Variants in TCERG1 observed in about 807,000 individuals in gnomAD.
The protein encoded by TCERG1 is TATA box binding protein (TBP)-associated factor, RNA polymerase II, S, 150kD.
In TCERG1, 37 loss-of-function variants were observed where a neutral mutation model predicts 144.7. That is an observed-to-expected ratio of 0.26 (90% CI 0.20 to 0.34). The LOEUF (loss-of-function observed/expected upper bound fraction) is 0.34. Among genes scored for constraint, TCERG1 ranks in the 10% least tolerant of loss-of-function variants. The pLI is 1.00. For synonymous variants in TCERG1, 492 were observed against 458.2 expected, an observed-to-expected ratio of 1.07 and a Z score of -0.94; for missense variants, 1,027 against 1,380.7, an observed-to-expected ratio of 0.74 and a Z score of 4.06.
Position 146,493,034 on chromosome 5 carries a change from C to A in TCERG1, c.2278C>A (p.Pro760Thr). The A allele has an allele frequency of 1.9e-6, 3 of 1,584,762 alleles. No individual in the cohort carries two copies. Among genetic ancestry groups the A allele is most frequent in the Non-Finnish European group, 2.6e-6 (3 of 1,159,704 alleles). ...AATGATGGAAGAAGCAAAATTTAATCCAAGGTATGTGGTTTGTTTCTCTTA... is the reference window on the plus strand; with the variant it reads ...AATGATGGAAGAAGCAAAATTTAATACAAGGTATGTGGTTTGTTTCTCTTA... The part of the protein sequence containing the change: ...KKMMEEAKFN[P>T]RATFSEFAAK... Residue 760 changes from proline to threonine, a missense_variant, in exon 16 of 23, where the codon CCA becomes ACA. By Grantham distance (38) the Pro-to-Thr change is conservative. Coordinates refer to ENST00000679501, the MANE Select transcript of TCERG1 (RefSeq NM_001382548.1).
chr5:146,497,527 AT>A, intron 16 of TCERG1, among the ~76,000 whole-genome samples: 1 of 152,032 alleles, frequency 6.6e-6, no homozygotes, highest in East Asian at 1.9e-4. Context: ...ACTTCAAAAA[AT>A]TTTTTCTATG....
intron 13 of TCERG1, chr5:146,481,461 C>T (rs1177673762): frequency 6.6e-6 from 1 of 152,182 alleles, no homozygotes; most frequent in African/African-American, 2.4e-5. Context: ...CAGACTATCT[C>T]GCTAAGTTCC....
intron 18 of TCERG1, 62 bp downstream of exon 18, chr5:146,503,601 A>G (rs1360459534): frequency 6.4e-7 from 1 of 1,558,398 alleles, no homozygotes; most frequent in Admixed American, 1.9e-5. Flanking sequence ...GTTTAAGGGT[A>G]TATGTTGTTG....
chr5:146,484,771 C>T (rs1445715339), intron 15 of TCERG1, among the ~76,000 whole-genome samples: 10 of 152,110 alleles, frequency 6.6e-5, no homozygotes, highest in Admixed American at 6.6e-4. Context: ...ACAGTCTTAT[C>T]AGCAAATCTA....
intron 15 of TCERG1, among the ~76,000 whole-genome samples, chr5:146,490,213 G>A (rs1766262460): frequency 6.6e-6 from 1 of 152,178 alleles, no homozygotes; most frequent in Admixed American, 6.5e-5. Flanking sequence ...GGTAATCACA[G>A]ATATGGTAGT....
At chr5:146,480,843 A>G (rs974399120) in intron 12 of TCERG1, among the ~76,000 whole-genome samples, 2 of 152,142 alleles carry the variant, frequency 1.3e-5, no homozygotes, top group Admixed American at 6.5e-5. Flanking sequence ...TGGCAACAAC[A>G]TAAAAGATAT....
chr5:146,487,210 A>G (rs894921292), intron 15 of TCERG1, among the ~76,000 whole-genome samples: 3 of 152,224 alleles, frequency 2.0e-5, no homozygotes, highest in Admixed American at 1.3e-4. Flanking sequence ...CCCATTTACA[A>G]TAGTGCCAAA....
intron 22 of TCERG1, 145 bp downstream of exon 22, chr5:146,509,390 A>T: frequency 1.9e-6 from 1 of 530,584 alleles, no homozygotes; most frequent in Non-Finnish European, 3.3e-6. Context: ...TCCAAAGTCA[A>T]ATACAGCCCA....
Position 146,510,583 on chromosome 5 carries a change from C to A in TCERG1, c.3289C>A (p.Arg1097Ser). ...LIVAYVDDLD[R>S]RGPPPPPTAS... is the part of the protein sequence containing the mutation. ...TGTGGCATATGTTGATGACCTGGAT[C>A]GCCGGGGTCCACCCCCACCTCCCAC... Residue 1097 changes from arginine (R) to serine (S), a missense_variant, in exon 23 of 23, where the codon CGC (arginine) becomes AGC (serine). Around this residue, in one of 6 missense-constraint regions of TCERG1, gnomAD observed 133 missense variants for 283.2 expected, o/e 0.47. Transcript: ENST00000679501. 1 of 1,614,070 alleles carries A rather than the reference C, an allele frequency of 6.2e-7. No individual in the cohort carries two copies. Among genetic ancestry groups the A allele is most frequent in the South Asian group, 1.1e-5 (1 of 91,076 alleles).
In TCERG1 at chr5:146,510,720, A is replaced by G. The variant is rs1768394922; in HGVS notation, c.*78A>G. 2.8e-6 allele frequency: 4 copies of G among 1,416,810 alleles called. No individual in the cohort carries two copies. In the South Asian group the frequency reaches 4.0e-5, roughly 14 times the overall value. The allele number at this position is 1,416,810 out of a possible 1,614,324, so 87.8% of individuals were successfully genotyped here. ...TTTTCAGGTTTTTACATATATGTGC[A>G]TTAGTCAACCTATTGCGAAACCATC... On this transcript the variant is annotated 3_prime_UTR_variant, in exon 23 of 23. Coordinates refer to ENST00000679501, the MANE Select transcript of TCERG1 (RefSeq NM_001382548.1).
chr5:146,501,886 A>G (rs1581567076), intron 17 of TCERG1, among the ~76,000 whole-genome samples: 1 of 101,302 alleles, frequency 9.9e-6, no homozygotes, highest in South Asian at 3.1e-4. Flanking sequence ...CATCAACTTC[A>G]CTTTTTTTTT....
chr5:146,506,243 G>T (rs1406534533), intron 19 of TCERG1, among the ~76,000 whole-genome samples: 1 of 152,214 alleles, frequency 6.6e-6, no homozygotes. Context: ...TGTTATTTTA[G>T]TCTGTGTTTC....
chr5:146,509,824 C>T (rs946800107), intron 22 of TCERG1, among the ~76,000 whole-genome samples: 5 of 152,174 alleles, frequency 3.3e-5, no homozygotes, highest in African/African-American at 4.8e-5. Context: ...AAAACAATTT[C>T]GCATTGCTTA....
rs553468299 is a variant in TCERG1, at chr5:146,474,458, G to T, written c.1601+2882G>T. Among the ~76,000 whole-genome samples, 4 of 152,280 alleles carry T rather than the reference G, an allele frequency of 2.6e-5. No individual in the cohort carries two copies. The East Asian group carries it at 7.7e-4, about 29-fold the overall frequency. On this transcript the variant is annotated intron_variant, in intron 9 of 22. Coordinates refer to ENST00000679501, the MANE Select transcript of TCERG1 (RefSeq NM_001382548.1). ...CATGAACATTGTTGAAATAATAAGG[G>T]ATTTAGAATATTACATAAACTTGGT...
At chr5:146,486,512 A>G (rs893646946) in intron 15 of TCERG1, among the ~76,000 whole-genome samples, 2 of 152,240 alleles carry the variant, frequency 1.3e-5, no homozygotes, top group Admixed American at 1.3e-4. Flanking sequence ...TCGTTATGCT[A>G]TTAACACTTT....
In TCERG1 at chr5:146,478,474, AT is replaced by A. The variant is rs769499914; in HGVS notation, c.1602-15del. On this transcript the variant is annotated intron_variant, in intron 9 of 22. Coordinates refer to ENST00000679501, the MANE Select transcript of TCERG1 (RefSeq NM_001382548.1). The stretch of plus-strand genomic sequence containing the variant: ...ATGTTCTGTAACATAAGAGAATGAT[AT>A]TTTGCATCAATTCTTAGGTGTGTCG... The A allele has an allele frequency of 1.4e-5, 22 of 1,560,624 alleles. No individual in the cohort carries two copies. The highest frequency in any genetic ancestry group is 2.1e-5 in the Admixed American group (1 of 47,348).
chr5:146,460,227 A>G (rs1763215951), intron 4 of TCERG1, among the ~76,000 whole-genome samples: 1 of 152,154 alleles, frequency 6.6e-6, no homozygotes, highest in Non-Finnish European at 1.5e-5. Flanking sequence ...GTGAGAGTCG[A>G]TTAATAGCAG....
chr5:146,503,800 A>ACC (rs1767700407), intron 18 of TCERG1, 24 bp from the exon 19 acceptor site: 1 of 1,566,170 alleles, frequency 6.4e-7, no homozygotes, highest in Non-Finnish European at 8.6e-7. Context: ...GGTAAGAAGG[A>ACC]TAATGTAGTT....
Position 146,461,178 on chromosome 5 carries a change from T to C in TCERG1, c.892+1841T>C, listed in dbSNP as rs968709258. The stretch of plus-strand genomic sequence containing the variant: ...CTTGTGTCCTGTTTGTCAGTTTTGC[T>C]TTACTCTTCAGTGATTGGGAGGACT... On this transcript the variant is annotated intron_variant, in intron 4 of 22. Coordinates refer to ENST00000679501, the MANE Select transcript of TCERG1 (RefSeq NM_001382548.1). 2.6e-5 allele frequency among the ~76,000 whole-genome samples: 4 copies of C among 152,194 alleles called. 1 individual carries two copies. In the East Asian group the frequency reaches 7.7e-4, roughly 29 times the overall value.
Sources: allele counts gnomAD v4.1 joint callset (sites outside exome capture counted in the v4.1 genomes callset), GRCh38; gene constraint gnomAD v4.1.1; regional missense constraint gnomAD v4.1.1; transcripts MANE v1.5; gene names NCBI Gene and HGNC (gene_info 2026-07-23, HGNC 2026-07-21).